Variants in RALGAPB observed in about 807,000 individuals in gnomAD.
RALGAPB encodes the protein ral GTPase-activating protein subunit beta.
Under a neutral mutation model 161.1 loss-of-function variants are expected in RALGAPB, and 25 were observed. That is an observed-to-expected ratio of 0.16 (90% CI 0.11 to 0.22). The LOEUF (loss-of-function observed/expected upper bound fraction) is 0.22. RALGAPB is among the 10% of genes least tolerant of loss of function. The pLI is 1.00. For synonymous variants in RALGAPB, 629 were observed against 626.1 expected (o/e 1.00, Z -0.07); for missense variants, 1,391 against 1,815.2 (o/e 0.77, Z 4.25).
chr20:38,516,143 C>A, intron 6 of RALGAPB, 49 bp from the exon 7 acceptor site: 1 of 1,387,768 alleles, frequency 7.2e-7, no homozygotes. Context: ...TATTTTATTG[C>A]TATAGAAATT....
chr20:38,508,115 AATTAT>A (rs1461127941), intron 5 of RALGAPB, among the ~76,000 whole-genome samples: 2 of 151,218 alleles, frequency 1.3e-5, no homozygotes, highest in South Asian at 2.1e-4. Context: ...ATGATTATAT[AATTAT>A]ATAAGTATAA....
intron 20 of RALGAPB, among the ~76,000 whole-genome samples, chr20:38,549,394 A>G (rs1469913657): frequency 6.6e-6 from 1 of 151,784 alleles, no homozygotes; most frequent in Non-Finnish European, 1.5e-5. Flanking sequence ...CACCCAGCTC[A>G]TTTTTAAAAT....
chr20:38,518,331 A>G (rs987584701), intron 9 of RALGAPB, among the ~76,000 whole-genome samples: 3 of 152,228 alleles, frequency 2.0e-5, no homozygotes, highest in Non-Finnish European at 2.9e-5. Context: ...AAATTTATAT[A>G]AAGAATTAAA....
chr20:38,563,181 T>C (rs2087850478), intron 24 of RALGAPB, among the ~76,000 whole-genome samples: 3 of 152,252 alleles, frequency 2.0e-5, no homozygotes. Context: ...ATGAAAGATA[T>C]GTATACACAT....
chr20:38,534,055 C>A (rs1178927698), intron 15 of RALGAPB, among the ~76,000 whole-genome samples: 1 of 148,460 alleles, frequency 6.7e-6, no homozygotes, highest in African/African-American at 2.5e-5. Context: ...AGGAGACTCT[C>A]TTGAACCTGG....
chr20:38,544,816 A>C (rs1327538513), intron 18 of RALGAPB, among the ~76,000 whole-genome samples: 3 of 152,190 alleles, frequency 2.0e-5, no homozygotes, highest in Non-Finnish European at 4.4e-5. Flanking sequence ...ACTCTATATA[A>C]TACTACATTT....
intron 1 of RALGAPB, among the ~76,000 whole-genome samples, chr20:38,478,647 G>T (rs991150679): frequency 6.6e-6 from 1 of 150,768 alleles, no homozygotes; most frequent in Non-Finnish European, 1.5e-5. Context: ...ACAGAGTTTC[G>T]CTCTTGTTGT....
intron 18 of RALGAPB, among the ~76,000 whole-genome samples, chr20:38,543,588 GTTT>G (rs2087052180): frequency 6.6e-6 from 1 of 152,098 alleles, no homozygotes; most frequent in African/African-American, 2.4e-5. Context: ...CCTCAATCTG[GTTT>G]TTAAGGGCAC....
At chr20:38,550,145 C>T (rs2087323532) in intron 20 of RALGAPB, among the ~76,000 whole-genome samples, 1 of 151,958 alleles carries the variant, frequency 6.6e-6, no homozygotes, top group Non-Finnish European at 1.5e-5. Context: ...GGCCTGTTGT[C>T]GGGTAGGGGG....
intron 6 of RALGAPB, 140 bp from the exon 7 acceptor site, chr20:38,516,052 C>T (rs933842009): frequency 9.9e-6 from 6 of 603,644 alleles, no homozygotes; most frequent in South Asian, 3.0e-5. Context: ...AGATTTGAAT[C>T]GCTGGCCCAT....
In RALGAPB at chr20:38,532,712, T is replaced by A; in HGVS notation, c.2116-18T>A. 1.2e-6 allele frequency: 2 copies of A among 1,611,954 alleles called. No homozygotes were observed. Among genetic ancestry groups the A allele is most frequent in the Non-Finnish European group, 1.7e-6 (2 of 1,178,136 alleles). ...AACTGTGATGTAATCCTCACTTGAT[T>A]CATTTTCATTTGACTAGGGTGGTGG... On this transcript the variant is annotated intron_variant, in intron 14 of 29. Coordinates refer to ENST00000262879, the MANE Select transcript of RALGAPB (RefSeq NM_020336.4).
chr20:38,546,671 T>C, intron 19 of RALGAPB: 1 of 496,084 alleles, frequency 2.0e-6, no homozygotes, highest in Non-Finnish European at 3.6e-6. Flanking sequence ...TTATAAAAGG[T>C]GGTGTTTTAG....
rs1371299636 is a variant in RALGAPB at position 38,565,249 on chromosome 20, A to G, written c.3698-110A>G. 11 of 1,283,384 alleles carry G rather than the reference A, an allele frequency of 8.6e-6. No homozygotes were observed. The Admixed American group carries it at 2.2e-4, about 26-fold the overall frequency. 79.5% of individuals were successfully genotyped at this position (1,283,384 alleles called of 1,614,324 possible). A position where few individuals can be genotyped will look rare whatever the true frequency, so the allele number is the denominator to read the frequency against. On this transcript the variant is annotated intron_variant, in intron 24 of 29. Transcript: ENST00000262879. ...ATACTAATTGGTTCTTGTTGAAAAC[A>G]TATATTCTATTTATCACTTTATTAA...
chr20:38,520,012 G>A (rs1055721512), intron 9 of RALGAPB, among the ~76,000 whole-genome samples: 1 of 152,150 alleles, frequency 6.6e-6, no homozygotes, highest in African/African-American at 2.4e-5. Context: ...TTGTAGTTGT[G>A]TAATTTTCTT....
chr20:38,502,614 C>G (rs1220836059), intron 5 of RALGAPB, among the ~76,000 whole-genome samples: 1 of 152,144 alleles, frequency 6.6e-6, no homozygotes, highest in East Asian at 1.9e-4. Context: ...TTGAGACAGT[C>G]TCACTTTTTC....
chr20:38,492,130 C>T (rs2122887732), intron 2 of RALGAPB, among the ~76,000 whole-genome samples: 1 of 152,248 alleles, frequency 6.6e-6, no homozygotes, highest in South Asian at 2.1e-4. Context: ...GTGCCAAAGT[C>T]ATTTTGGAAA....
intron 5 of RALGAPB, among the ~76,000 whole-genome samples, chr20:38,501,631 T>G (rs1164359214): frequency 6.6e-6 from 1 of 152,116 alleles, no homozygotes; most frequent in Admixed American, 6.6e-5. Flanking sequence ...CTCCAACTCC[T>G]AGTCTCAAAA....
intron 5 of RALGAPB, among the ~76,000 whole-genome samples, chr20:38,507,189 C>T (rs1002103972): frequency 2.6e-5 from 4 of 151,950 alleles, no homozygotes; most frequent in East Asian, 3.9e-4. Flanking sequence ...TTAAAAATGC[C>T]AGTTTGAAAT....
chr20:38,529,374 A>G (rs909403555), intron 13 of RALGAPB, among the ~76,000 whole-genome samples: 3 of 152,012 alleles, frequency 2.0e-5, no homozygotes, highest in African/African-American at 7.3e-5. Flanking sequence ...AAAAATTAGC[A>G]GGGTGTGATG....
Sources: gnomAD v4.1 joint callset for allele counts (sites outside exome capture counted in the v4.1 genomes callset) on GRCh38, gnomAD v4.1.1 for gene constraint, MANE v1.5 for transcripts, NCBI Gene and HGNC (gene_info 2026-07-23, HGNC 2026-07-21) for gene names.